SH3RF3: variants seen among roughly 807,000 people sequenced by gnomAD.
SH3RF3 encodes SH3 domain containing ring finger 3, also known as E3 ubiquitin-protein ligase SH3RF3.
In SH3RF3, 29 loss-of-function variants were observed where a neutral mutation model predicts 66.3. That is an observed-to-expected ratio of 0.44 (90% confidence interval 0.33 to 0.60). The LOEUF (loss-of-function observed/expected upper bound fraction) is 0.60, where lower values mean the gene tolerates loss of function less well. Ranked by LOEUF, SH3RF3 falls within the 20% of genes least tolerant of loss-of-function variation. The pLI is 0.04. For synonymous variants in SH3RF3, 583 were observed against 532.0 expected, an observed-to-expected ratio of 1.10 and a Z score of -1.32; for missense variants, 1,194 against 1,190.9, an observed-to-expected ratio of 1.00 and a Z score of -0.04.
At chr2:109,493,080 CCATA>C (rs1331604968) in intron 9 of SH3RF3, among the ~76,000 whole-genome samples, 136 of 91,598 alleles carry the variant, frequency 1.5e-3, no homozygotes, top group Middle Eastern at 5.2e-3. Context: ...CACACATACA[CCATA>C]CATACAAACA....
intron 1 of SH3RF3, among the ~76,000 whole-genome samples, chr2:109,252,263 A>AC (rs536406281): frequency 7.3e-4 from 111 of 151,998 alleles, no homozygotes; most frequent in Non-Finnish European, 1.1e-3. Flanking sequence ...AGAAAAAAAA[A>AC]AAAAACTTTC....
At chr2:109,429,666 A>G (rs970019591) in intron 5 of SH3RF3, among the ~76,000 whole-genome samples, 3 of 152,004 alleles carry the variant, frequency 2.0e-5, no homozygotes, top group African/African-American at 7.2e-5. Context: ...CCGCGCTGAC[A>G]GCTCCAGCAG....
At chr2:109,249,009 G>A (rs533937987) in intron 1 of SH3RF3, among the ~76,000 whole-genome samples, 4 of 152,228 alleles carry the variant, frequency 2.6e-5, no homozygotes, top group African/African-American at 9.6e-5. Context: ...AGCCTCCTGA[G>A]TAGCTGGGAC....
intron 8 of SH3RF3, among the ~76,000 whole-genome samples, chr2:109,476,365 G>A (rs1397445878): frequency 1.3e-5 from 2 of 152,184 alleles, no homozygotes; most frequent in Admixed American, 6.5e-5. Flanking sequence ...CCAAGGGGAG[G>A]TACTGGGTAG....
At chr2:109,341,767 A>G (rs985244290) in intron 1 of SH3RF3, among the ~76,000 whole-genome samples, 3 of 152,192 alleles carry the variant, frequency 2.0e-5, no homozygotes, top group Non-Finnish European at 4.4e-5. Flanking sequence ...TATGCATGTC[A>G]TCATAAAACA....
chr2:109,453,354 G>T (rs1677942044), intron 8 of SH3RF3, among the ~76,000 whole-genome samples: 2 of 152,196 alleles, frequency 1.3e-5, no homozygotes, highest in African/African-American at 2.4e-5. Flanking sequence ...TGGTCTTCAG[G>T]ATTTAAGTTA....
chr2:109,180,851 A>G (rs1678057084), intron 1 of SH3RF3, among the ~76,000 whole-genome samples: 1 of 152,212 alleles, frequency 6.6e-6, no homozygotes, highest in Non-Finnish European at 1.5e-5. Flanking sequence ...GAGTGTGGTC[A>G]CAGGGGCTTC....
intron 1 of SH3RF3, among the ~76,000 whole-genome samples, chr2:109,300,916 T>C (rs1037474592): frequency 3.3e-5 from 5 of 152,208 alleles, no homozygotes; most frequent in African/African-American, 1.2e-4. Context: ...GGGCCATGGT[T>C]AGAAGGTGAG....
At chr2:109,211,545 G>A (rs1422411123) in intron 1 of SH3RF3, among the ~76,000 whole-genome samples, 2 of 152,224 alleles carry the variant, frequency 1.3e-5, no homozygotes, top group Admixed American at 6.5e-5. Flanking sequence ...AGCAAGCTCC[G>A]GGGCTGTCAC....
chr2:109,130,164 T>C, intron 1 of SH3RF3, 51 bp downstream of exon 1: 1 of 1,253,258 alleles, frequency 8.0e-7, no homozygotes, highest in South Asian at 3.1e-5. Flanking sequence ...AGTGTGTGGG[T>C]GGGTGCTTGG....
chr2:109,253,643 A>T (rs1680149702), intron 1 of SH3RF3, among the ~76,000 whole-genome samples: 1 of 152,160 alleles, frequency 6.6e-6, no homozygotes, highest in Admixed American at 6.5e-5. Flanking sequence ...TGTGCTTAGA[A>T]TTTTGATAAA....
chr2:109,152,768 C>T (rs1265553210), intron 1 of SH3RF3, among the ~76,000 whole-genome samples: 5 of 152,176 alleles, frequency 3.3e-5, no homozygotes, highest in Non-Finnish European at 5.9e-5. Context: ...GACCCAGTGT[C>T]CCCTCCCAGG....
At chr2:109,324,263 G>A (rs1243319099) in intron 1 of SH3RF3, among the ~76,000 whole-genome samples, 2 of 152,174 alleles carry the variant, frequency 1.3e-5, no homozygotes, top group Non-Finnish European at 2.9e-5. Flanking sequence ...GTAGTGCCCT[G>A]TGACTATTGA....
At chr2:109,432,461 G>A in intron 5 of SH3RF3, 40 bp from the exon 6 acceptor site, 1 of 1,608,438 alleles carries the variant, frequency 6.2e-7, no homozygotes, top group Non-Finnish European at 8.5e-7. Flanking sequence ...CTATCCCCAG[G>A]AGGGCTCCCA....
At chr2:109,302,879 T>G (rs1236501320) in intron 1 of SH3RF3, among the ~76,000 whole-genome samples, 1 of 152,142 alleles carries the variant, frequency 6.6e-6, no homozygotes, top group African/African-American at 2.4e-5. Flanking sequence ...TAGCTTTTTT[T>G]GTTTGTTTGT....
chr2:109,412,502 G>A (rs1676618325), intron 4 of SH3RF3, among the ~76,000 whole-genome samples: 1 of 152,210 alleles, frequency 6.6e-6, no homozygotes, highest in South Asian at 2.1e-4. Context: ...ATCATCTTAG[G>A]TTCCCACTCT....
chr2:109,416,904 CAAA>C (rs59855463), intron 4 of SH3RF3, among the ~76,000 whole-genome samples: 4 of 64,346 alleles, frequency 6.2e-5, no homozygotes, highest in Admixed American at 1.8e-4. Flanking sequence ...GACTTCATCT[CAAA>C]AAAAAAAAAA....
intron 1 of SH3RF3, among the ~76,000 whole-genome samples, chr2:109,202,899 C>T (rs1411041044): frequency 2.0e-5 from 3 of 152,144 alleles, no homozygotes; most frequent in South Asian, 2.1e-4. Context: ...AGTTTTGTCC[C>T]GATAGTAATG....
At chr2:109,278,154 G>A (rs1680802240) in intron 1 of SH3RF3, among the ~76,000 whole-genome samples, 1 of 151,486 alleles carries the variant, frequency 6.6e-6, no homozygotes, top group Non-Finnish European at 1.5e-5. Flanking sequence ...TCCAGCCTGA[G>A]TGATAGAGCA....
Sources: gnomAD v4.1 joint callset for allele counts (sites outside exome capture counted in the v4.1 genomes callset) on GRCh38, gnomAD v4.1.1 for gene constraint, MANE v1.5 for transcripts, NCBI Gene and HGNC (gene_info 2026-07-23, HGNC 2026-07-21) for gene names.